The following ADAMTS9 variants were observed in gnomAD, a reference collection of about 807,000 sequenced individuals.
The protein encoded by ADAMTS9 is ADAM metallopeptidase with thrombospondin type 1 motif 9, also known as A disintegrin and metalloproteinase with thrombospondin motifs 9.
Under a neutral mutation model 257.1 loss-of-function variants are expected in ADAMTS9, and 107 were observed. The ratio of observed to expected loss-of-function variants is 0.42; its 90% confidence interval spans 0.36 to 0.49. The LOEUF (loss-of-function observed/expected upper bound fraction) is 0.49. Ranked by LOEUF, ADAMTS9 falls within the 20% of genes least tolerant of loss-of-function variation. ADAMTS9 has a pLI of 0.03. For synonymous variants in ADAMTS9, 982 were observed against 880.9 expected, an observed-to-expected ratio of 1.11 and a Z score of -2.03; for missense variants, 2,353 against 2,469.1, an observed-to-expected ratio of 0.95 and a Z score of 1.00.
intron 30 of ADAMTS9, among the ~76,000 whole-genome samples, chr3:64,552,582 T>G (rs2083283339): frequency 6.6e-6 from 1 of 151,824 alleles, no homozygotes; most frequent in South Asian, 2.1e-4. Context: ...TTCCTTTTTT[T>G]TTTTTTTTGA....
chr3:64,643,788 T>A (rs1700720064), intron 11 of ADAMTS9, among the ~76,000 whole-genome samples: 1 of 149,738 alleles, frequency 6.7e-6, no homozygotes, highest in South Asian at 2.1e-4. Flanking sequence ...TTTTAATGCT[T>A]TTTTTTTTTC....
chr3:64,632,887 G>T (rs1700404321), intron 14 of ADAMTS9, among the ~76,000 whole-genome samples: 1 of 151,932 alleles, frequency 6.6e-6, no homozygotes. Flanking sequence ...GCCCAACCGG[G>T]TTAGGAATAA....
chr3:64,622,429 A>C lies in ADAMTS9; in HGVS notation c.2547T>G (p.Leu849=). 1.9e-6 allele frequency: 3 copies of C among 1,613,878 alleles called. 1 individual carries two copies. The highest frequency in any genetic ancestry group is 1.7e-6 in the Non-Finnish European group (2 of 1,179,936). ...INSTDRIEQE[L]LLQVLSVGKL... is the part of the protein sequence containing the mutation. Reference sequence around the variant, plus strand: ...ATGGTCAAGTTTTTACCTGAAGCAAAAGTTCTTGCTCAATGCGATCTGTTG... The same window carrying C: ...ATGGTCAAGTTTTTACCTGAAGCAACAGTTCTTGCTCAATGCGATCTGTTG... Residue 849 remains leucine, a synonymous_variant, in exon 17 of 40, where the codon CTT becomes CTG. Transcript: ENST00000498707.
At chr3:64,644,689 G>T (rs1700741016) in intron 11 of ADAMTS9, among the ~76,000 whole-genome samples, 1 of 152,152 alleles carries the variant, frequency 6.6e-6, no homozygotes, top group Non-Finnish European at 1.5e-5. Context: ...GTACCTTGAG[G>T]ACAAAATTAA....
intron 31 of ADAMTS9, 150 bp from the exon 32 acceptor site, chr3:64,547,102 G>T: frequency 1.4e-6 from 1 of 720,592 alleles, no homozygotes; most frequent in Non-Finnish European, 2.2e-6. Context: ...TCAAGTGGCA[G>T]GCCCTGAGCG....
At chr3:64,603,731 C>T (rs1365367474) in intron 25 of ADAMTS9, among the ~76,000 whole-genome samples, 191 bp downstream of exon 25, 4 of 152,202 alleles carry the variant, frequency 2.6e-5, no homozygotes, top group Non-Finnish European at 4.4e-5. Flanking sequence ...ATTCCTTAAA[C>T]ATTTAGCTAA....
intron 29 of ADAMTS9, among the ~76,000 whole-genome samples, chr3:64,564,289 A>C (rs1269428060): frequency 1.3e-5 from 2 of 152,172 alleles, no homozygotes; most frequent in Non-Finnish European, 2.9e-5. Flanking sequence ...GAACTCACCA[A>C]CTTAAAAGGG....
At chr3:64,681,646 C>G (rs1177000544) in intron 2 of ADAMTS9, among the ~76,000 whole-genome samples, 1 of 152,170 alleles carries the variant, frequency 6.6e-6, no homozygotes, top group African/African-American at 2.4e-5. Context: ...TGGGCTCAAG[C>G]AAACCCCCCA....
At chr3:64,601,203 C>T (rs1349068699) in intron 26 of ADAMTS9, among the ~76,000 whole-genome samples, 1 of 152,196 alleles carries the variant, frequency 6.6e-6, no homozygotes, top group Non-Finnish European at 1.5e-5. Flanking sequence ...ATTAAGTTCT[C>T]ACTCTGTGGC....
intron 2 of ADAMTS9, among the ~76,000 whole-genome samples, chr3:64,682,473 C>G (rs72892868): frequency 0.039 from 5,930 of 152,148 alleles, 399 homozygotes; most frequent in African/African-American, 0.13. Flanking sequence ...TAAATGATAC[C>G]TCAAGATTGA....
intron 39 of ADAMTS9, among the ~76,000 whole-genome samples, chr3:64,517,416 GTTTTTTTTTTT>G (rs755480110): frequency 1.9e-5 from 1 of 52,638 alleles, no homozygotes; most frequent in Non-Finnish European, 3.8e-5. Context: ...ATTAAAAATG[GTTTTTTTTTTT>G]TTTTTTTTTT....
intron 3 of ADAMTS9, among the ~76,000 whole-genome samples, chr3:64,667,245 A>G (rs1701372431): frequency 1.3e-5 from 2 of 152,192 alleles, no homozygotes; most frequent in South Asian, 4.1e-4. Flanking sequence ...TAACTTTGCA[A>G]AACACTTAAC....
At position 64,568,377 on chromosome 3, in the gene ADAMTS9, A is replaced by G. The variant is rs751838008; in HGVS notation, c.4515T>C (p.Ala1505=). 3 of 1,609,708 alleles carry G rather than the reference A, an allele frequency of 1.9e-6. No homozygotes were observed. In the South Asian group the frequency reaches 3.3e-5, roughly 18 times the overall value. Residue 1505 remains alanine (A), a synonymous_variant, in exon 29 of 40, where the codon GCT becomes GCC. Coordinates refer to ENST00000498707, the MANE Select transcript of ADAMTS9 (RefSeq NM_182920.2). The part of the protein sequence containing the change: ...GGRCPKWKAG[A]WSQCSVSCGR... ...GAGAAGCATTGCTCACCTGACTCCA[A>G]GCGCCAGCTTTCCATTTGGGGCATC...
At chr3:64,680,882 T>C (rs1340302483) in intron 3 of ADAMTS9, among the ~76,000 whole-genome samples, 1 of 152,092 alleles carries the variant, frequency 6.6e-6, no homozygotes. Context: ...ATGACCTGAA[T>C]ATTACTCAAG....
At chr3:64,561,529 G>A (rs1226262655) in intron 30 of ADAMTS9, 49 bp downstream of exon 30, 4 of 1,570,516 alleles carry the variant, frequency 2.5e-6, no homozygotes, top group East Asian at 2.2e-5. Flanking sequence ...GATAGCAAGG[G>A]GCGCACACGT....
intron 3 of ADAMTS9, among the ~76,000 whole-genome samples, chr3:64,660,697 T>C (rs1576171487): frequency 6.6e-6 from 1 of 152,186 alleles, no homozygotes; most frequent in South Asian, 2.1e-4. Context: ...AATCCTTATT[T>C]TACTTAATGA....
At chr3:64,565,026 G>T (rs568429985) in intron 29 of ADAMTS9, among the ~76,000 whole-genome samples, 2 of 152,196 alleles carry the variant, frequency 1.3e-5, no homozygotes, top group Non-Finnish European at 2.9e-5. Context: ...TAGCAGGTCA[G>T]TGAGGGTGTG....
intron 11 of ADAMTS9, among the ~76,000 whole-genome samples, chr3:64,642,916 G>A (rs1421921335): frequency 6.6e-6 from 1 of 152,122 alleles, no homozygotes; most frequent in Non-Finnish European, 1.5e-5. Flanking sequence ...AGGGAAGGTG[G>A]AAAAAGAAGA....
At chr3:64,518,814 C>G (rs1190377990) in intron 39 of ADAMTS9, among the ~76,000 whole-genome samples, 2 of 144,072 alleles carry the variant, frequency 1.4e-5, no homozygotes, top group African/African-American at 5.2e-5. Context: ...ACTCTCTCAC[C>G]CAGGCTGGAG....
Sources: allele counts gnomAD v4.1 joint callset (sites outside exome capture counted in the v4.1 genomes callset), GRCh38; gene constraint gnomAD v4.1.1; transcripts MANE v1.5; gene names NCBI Gene and HGNC (gene_info 2026-07-23, HGNC 2026-07-21).